The following PPP6R2 variants were observed in gnomAD, a reference collection of about 807,000 sequenced individuals.
The protein encoded by PPP6R2 is protein phosphatase 6 regulatory subunit 2.
In PPP6R2, 62 loss-of-function variants were observed where a neutral mutation model predicts 100.2. That is an observed-to-expected ratio of 0.62 (90% CI 0.50 to 0.76). PPP6R2 has a LOEUF of 0.76. PPP6R2 is among the 30% of genes least tolerant of loss of function. PPP6R2 has a pLI of 0.00. For missense variants in PPP6R2, 1,142 were observed against 1,276.3 expected (o/e 0.89, Z 1.60); for synonymous variants, 525 against 514.7 (o/e 1.02, Z -0.27).
intron 14 of PPP6R2, 150 bp downstream of exon 14, chr22:50,436,602 T>TCAA: frequency 1.3e-6 from 1 of 777,618 alleles, no homozygotes; most frequent in Non-Finnish European, 2.1e-6. Context: ...CCCTGCATAG[T>TCAA]GTGTCCTCCG....
chr22:50,354,801 C>T (rs2046098697), intron 1 of PPP6R2, among the ~76,000 whole-genome samples: 1 of 151,672 alleles, frequency 6.6e-6, no homozygotes, highest in African/African-American at 2.4e-5. Flanking sequence ...CTCTCTCGTA[C>T]ACGTACATAC....
At chr22:50,443,597 C>G (rs141036745) in intron 22 of PPP6R2, 230 of 529,992 alleles carry the variant, frequency 4.3e-4, no homozygotes, top group African/African-American at 3.7e-3. Flanking sequence ...GAATGAGGCG[C>G]TTGATGATGA....
Position 50,441,043 on chromosome 22 carries a change from G to A in PPP6R2, c.2579+17G>A, listed in dbSNP as rs761446537. On this transcript the variant is annotated intron_variant, in intron 22 of 23. Transcript: ENST00000612753. ...TGTCGGCAGGTGTGTGGGGCGTGGCGGGGGCGGGCCTGCCGGGTGCATAGG... is the reference window on the plus strand; with the variant it reads ...TGTCGGCAGGTGTGTGGGGCGTGGCAGGGGCGGGCCTGCCGGGTGCATAGG... The A allele has an allele frequency of 9.0e-5, 138 of 1,536,278 alleles. No individual in the cohort carries two copies. Among genetic ancestry groups the A allele is most frequent in the Non-Finnish European group, 1.2e-4 (132 of 1,138,214 alleles).
chr22:50,335,279 G>T, the PPP6R2 span, among the ~76,000 whole-genome samples: 1 of 148,814 alleles, frequency 6.7e-6, no homozygotes, highest in Non-Finnish European at 1.5e-5. Context: ...TAGCCAGGGT[G>T]GTTTTGATCT....
At chr22:50,412,341 A>G (rs1190211461) in intron 4 of PPP6R2, among the ~76,000 whole-genome samples, 1 of 151,184 alleles carries the variant, frequency 6.6e-6, no homozygotes, top group Non-Finnish European at 1.5e-5. Context: ...ACAGCCACCC[A>G]CCACCACGTC....
chr22:50,340,440 T>C (rs888147358), upstream of PPP6R2, among the ~76,000 whole-genome samples: 8 of 128,798 alleles, frequency 6.2e-5, no homozygotes, highest in Non-Finnish European at 1.1e-4. Context: ...GTGGTGTGTG[T>C]GGTATGTGGT....
chr22:50,355,812 C>T (rs528101508), intron 1 of PPP6R2, among the ~76,000 whole-genome samples: 3 of 150,718 alleles, frequency 2.0e-5, no homozygotes, highest in Non-Finnish European at 2.9e-5. Context: ...TGAGCCACTG[C>T]GCCTGGCACA....
At chr22:50,391,227 T>A in intron 2 of PPP6R2, among the ~76,000 whole-genome samples, 1 of 150,914 alleles carries the variant, frequency 6.6e-6, no homozygotes, top group Non-Finnish European at 1.5e-5. Context: ...AGGTCAGGAG[T>A]TCGAGACCAG....
the PPP6R2 span, among the ~76,000 whole-genome samples, chr22:50,337,608 GTGTGTGCTGTGTGCGGTA>G: frequency 6.1e-5 from 7 of 114,778 alleles, no homozygotes; most frequent in Non-Finnish European, 9.4e-5. Context: ...TGTTGGGGGT[GTGTGTGCTGTGTGCGGTA>G]TGTGTGCTGT....
chr22:50,352,740 C>CA lies in PPP6R2; in HGVS notation c.-148+9202dup, dbSNP rs755138488. Among the ~76,000 whole-genome samples the CA allele has an allele frequency of 5.2e-3, 688 of 132,312 alleles. 10 individuals are homozygous for CA. Among genetic ancestry groups the CA allele is most frequent in the South Asian group, 0.013 (53 of 4,064 alleles). 86.8% of individuals were successfully genotyped at this position (132,312 alleles called of 152,430 possible). A position where few individuals can be genotyped will look rare whatever the true frequency, so the allele number is the denominator to read the frequency against. On this transcript the variant is annotated intron_variant, in intron 1 of 23. Transcript: ENST00000612753. ...CTCTGTCTCAAAACAAAAACAAAAACAAAAAAAAAAAACACACAAAACAAC... is the reference window on the plus strand; with the variant it reads ...CTCTGTCTCAAAACAAAAACAAAAACAAAAAAAAAAAAACACACAAAACAAC...
intron 1 of PPP6R2, among the ~76,000 whole-genome samples, chr22:50,356,805 G>A (rs1396802772): frequency 1.3e-5 from 2 of 151,930 alleles, no homozygotes; most frequent in East Asian, 3.9e-4. Context: ...CATGGTGGCC[G>A]GCGCCATAAT....
At chr22:50,391,722 C>G (rs1219566139) in intron 2 of PPP6R2, 1 of 140,062 alleles carries the variant, frequency 7.1e-6, no homozygotes, top group African/African-American at 2.6e-5. Flanking sequence ...TTTATTTTGT[C>G]TCCTCTGTTT....
chr22:50,432,271 C>G lies in PPP6R2; in HGVS notation c.1342C>G (p.Gln448Glu). Residue 448 changes from glutamine to glutamate, a missense_variant, in exon 12 of 24, where the codon CAG becomes GAG. Transcript: ENST00000612753. ...PDNTMVTHLF[Q>E]KCCLVQRILE... ...CCCCTGCCCCGCCCCCCAGCTGTTC[C>G]AGAAGTGCTGCCTGGTGCAGAGGAT... 2 of 1,550,050 alleles carry G rather than the reference C, an allele frequency of 1.3e-6. No individual in the cohort carries two copies. The highest frequency in any genetic ancestry group is 1.7e-6 in the Non-Finnish European group (2 of 1,147,122).
intron 13 of PPP6R2, 31 bp downstream of exon 13, chr22:50,435,112 G>C: frequency 6.8e-7 from 1 of 1,478,588 alleles, no homozygotes; most frequent in Non-Finnish European, 9.0e-7. Context: ...TCCTTCTGCT[G>C]GTCGCGGGCA....
intron 4 of PPP6R2, among the ~76,000 whole-genome samples, chr22:50,409,790 G>C (rs1000853241): frequency 4.6e-5 from 7 of 152,264 alleles, no homozygotes; most frequent in African/African-American, 1.7e-4. Context: ...GCAGTGGCGT[G>C]ACCTTGGCTC....
chr22:50,333,389 T>G, the PPP6R2 span, among the ~76,000 whole-genome samples: 1,323 of 150,740 alleles, frequency 8.8e-3, 7 homozygotes, highest in Non-Finnish European at 0.013. Flanking sequence ...CAGGCTAGAG[T>G]GCAGTGGCAC....
intron 5 of PPP6R2, among the ~76,000 whole-genome samples, chr22:50,415,652 G>A (rs1045122437): frequency 6.6e-6 from 1 of 152,226 alleles, no homozygotes; most frequent in Admixed American, 6.5e-5. Flanking sequence ...CTGGGCCCCC[G>A]TTGCCCTTGA....
At chr22:50,393,517 A>G (rs2056087237) in intron 2 of PPP6R2, 6 of 983,046 alleles carry the variant, frequency 6.1e-6, no homozygotes, top group Non-Finnish European at 7.2e-6. Flanking sequence ...GGGCATGTCG[A>G]GCACGCTGGT....
At position 50,444,662 on chromosome 22, in the gene PPP6R2, G is replaced by C. The variant is rs137996197; in HGVS notation, c.*415G>C. ...TTTGTTTTTAAAGAATACAGAAGGA[G>C]CCAAGCTTTTTTGCACTTTGTATCC... On this transcript the variant is annotated 3_prime_UTR_variant, in exon 24 of 24. Coordinates refer to ENST00000612753, the MANE Select transcript of PPP6R2 (RefSeq NM_001242898.2). 55 of 211,986 alleles carry C rather than the reference G, an allele frequency of 2.6e-4. No homozygotes were observed. The East Asian group carries it at 7.9e-3, about 31-fold the overall frequency. 13.1% of individuals were successfully genotyped at this position (211,986 alleles called of 1,614,324 possible).
Sources: gnomAD v4.1 joint callset for allele counts (sites outside exome capture counted in the v4.1 genomes callset) on GRCh38, gnomAD v4.1.1 for gene constraint, MANE v1.5 for transcripts, NCBI Gene and HGNC (gene_info 2026-07-23, HGNC 2026-07-21) for gene names.